The following TAAR5 variants were observed in gnomAD, a reference collection of about 807,000 sequenced individuals.
The protein encoded by TAAR5 is trace amine associated receptor 5, also known as trace amine-associated receptor 5.
Under a neutral mutation model 21.1 loss-of-function variants are expected in TAAR5, and 27 were observed. The ratio of observed to expected loss-of-function variants is 1.28; its 90% confidence interval spans 0.94 to 1.76. The LOEUF (loss-of-function observed/expected upper bound fraction) is 1.76, where lower values mean the gene tolerates loss of function less well. Ranked by LOEUF, TAAR5 falls within the 40% of genes most tolerant of loss-of-function variation. TAAR5 has a pLI of 0.00. For missense variants in TAAR5, 495 were observed against 405.6 expected (o/e 1.22, Z -1.89); for synonymous variants, 203 against 167.5 (o/e 1.21, Z -1.64).
chr6:132,608,084 A>G, the TAAR5 span: 1 of 328,514 alleles, frequency 3.0e-6, no homozygotes, highest in Non-Finnish European at 5.9e-6. Flanking sequence ...AGTCAAAGAT[A>G]GTGAATGTAC....
At position 132,589,487 on chromosome 6, in the gene TAAR5, G is replaced by A. The variant is rs147867541; in HGVS notation, c.200C>T (p.Thr67Met). Residue 67 changes from threonine to methionine, a missense_variant, in exon 1 of 1, where the codon ACG becomes ATG. Physicochemically the swap from Thr to Met is moderately conservative, Grantham distance 81. Transcript: ENST00000258034. ...FAVSYFKALH[T>M]PTNFLLLSLA... is the part of the protein sequence containing the mutation. ...GGAGAGCAGCAGGAAGTTGGTGGGC[G>A]TGTGAAGCGCTTTGAAGTAGGACAC... is the stretch of plus-strand genomic sequence containing the variant. 238 of 1,613,868 alleles carry A rather than the reference G, an allele frequency of 1.5e-4. No homozygotes were observed. In the African/African-American group the frequency reaches 2.0e-3, roughly 14 times the overall value.
chr6:132,598,411 A>G, the TAAR5 span, among the ~76,000 whole-genome samples: 36,827 of 152,110 alleles, frequency 0.24, 5,095 homozygotes, highest in Non-Finnish European at 0.33. Context: ...CTGTCCTAAT[A>G]TATTCTCCTT....
At chr6:132,592,837 C>T (rs1282691346), upstream of TAAR5, among the ~76,000 whole-genome samples, 1 of 152,162 alleles carries the variant, frequency 6.6e-6, no homozygotes, top group African/African-American at 2.4e-5. Flanking sequence ...ATAAGTTACA[C>T]TTGGCCTAGC....
chr6:132,601,517 C>T, the TAAR5 span, among the ~76,000 whole-genome samples: 86,539 of 152,074 alleles, frequency 0.57, 26,271 homozygotes, highest in African/African-American at 0.8. Flanking sequence ...AATACAATCA[C>T]TGACATGCAG....
the TAAR5 span, among the ~76,000 whole-genome samples, chr6:132,600,933 G>A: frequency 8.1e-6 from 1 of 123,534 alleles, no homozygotes; most frequent in Non-Finnish European, 1.6e-5. Context: ...AGGAGGGAAG[G>A]AGGGAAGGAG....
At chr6:132,607,987 C>A in the TAAR5 span, among the ~76,000 whole-genome samples, 1 of 152,152 alleles carries the variant, frequency 6.6e-6, no homozygotes, top group Non-Finnish European at 1.5e-5. Flanking sequence ...TTTTATATTT[C>A]TTTCGTACAT....
rs996615192 is a variant in TAAR5 at position 132,588,592 on chromosome 6, C to G, written c.*81G>C. ...TGTCCTGGAAGCATGCCCACAAACT[C>G]AACACCACACAGCCCACGGTCACAG... On this transcript the variant is annotated 3_prime_UTR_variant, in exon 1 of 1. Transcript: ENST00000258034. The G allele has an allele frequency of 3.5e-5, 52 of 1,484,318 alleles. No individual in the cohort carries two copies. Among genetic ancestry groups the G allele is most frequent in the Middle Eastern group, 2.0e-4 (1 of 5,012 alleles). The allele number at this position is 1,484,318 out of a possible 1,614,324, so 91.9% of individuals were successfully genotyped here. A position where few individuals can be genotyped will look rare whatever the true frequency, so the allele number is the denominator to read the frequency against.
chr6:132,596,078 G>A, the TAAR5 span, among the ~76,000 whole-genome samples: 2 of 152,106 alleles, frequency 1.3e-5, no homozygotes, highest in African/African-American at 4.8e-5. Flanking sequence ...AAAGTTATAG[G>A]TGAATAATCA....
the TAAR5 span, among the ~76,000 whole-genome samples, chr6:132,598,863 G>A: frequency 6.6e-6 from 1 of 152,128 alleles, no homozygotes; most frequent in Non-Finnish European, 1.5e-5. Context: ...GAGGAAGAGA[G>A]GAAGAGAAGA....
At chr6:132,601,040 A>AGAAG in the TAAR5 span, among the ~76,000 whole-genome samples, 2 of 27,554 alleles carry the variant, frequency 7.3e-5, no homozygotes, top group African/African-American at 2.3e-4. Context: ...AAGGAGGGAA[A>AGAAG]GAAGGAAGGA....
the TAAR5 span, among the ~76,000 whole-genome samples, chr6:132,601,464 A>G: frequency 6.6e-6 from 1 of 152,242 alleles, no homozygotes; most frequent in Non-Finnish European, 1.5e-5. Context: ...GGTGGGCAGC[A>G]AGAAATATGT....
the TAAR5 span, among the ~76,000 whole-genome samples, chr6:132,613,796 C>T: frequency 6.6e-6 from 1 of 152,128 alleles, no homozygotes; most frequent in Non-Finnish European, 1.5e-5. Flanking sequence ...TTGTAGTAGA[C>T]TACAATCTGG....
At chr6:132,601,087 AGGAGGGAG>A in the TAAR5 span, among the ~76,000 whole-genome samples, 4 of 49,818 alleles carry the variant, frequency 8.0e-5, no homozygotes, top group East Asian at 5.8e-4. Context: ...GAGGGAAGGA[AGGAGGGAG>A]GGAAGGAGGG....
At chr6:132,602,144 C>T in the TAAR5 span, among the ~76,000 whole-genome samples, 1 of 152,064 alleles carries the variant, frequency 6.6e-6, no homozygotes, top group Non-Finnish European at 1.5e-5. Flanking sequence ...CAGCCATCCC[C>T]AACCTTTTTG....
upstream of TAAR5, among the ~76,000 whole-genome samples, chr6:132,591,597 T>TTGTGTTTC (rs1776908522): frequency 6.6e-6 from 1 of 152,236 alleles, no homozygotes; most frequent in Non-Finnish European, 1.5e-5. Context: ...ATTGCATTAC[T>TTGTGTTTC]AGGTACCTTG....
In TAAR5 at chr6:132,588,602, C is replaced by G; in HGVS notation, c.*71G>C. On this transcript the variant is annotated 3_prime_UTR_variant, in exon 1 of 1. Coordinates refer to ENST00000258034, the MANE Select transcript of TAAR5 (RefSeq NM_003967.3). ...GCATGCCCACAAACTCAACACCACA[C>G]AGCCCACGGTCACAGTGCCACTTAT... 2.0e-6 allele frequency: 3 copies of G among 1,521,094 alleles called. No individual in the cohort carries two copies. The highest frequency in any genetic ancestry group is 1.9e-5 in the Admixed American group (1 of 52,884). 94.2% of individuals were successfully genotyped at this position (1,521,094 alleles called of 1,614,324 possible). A position where few individuals can be genotyped will look rare whatever the true frequency, so the allele number is the denominator to read the frequency against.
rs1394423478 is a variant in TAAR5 at position 132,589,253 on chromosome 6, T to A, written c.434A>T (p.Lys145Met). The change falls in exon 1 of 1, where the codon AAG becomes ATG. Residue 145 changes from lysine (K) to methionine (M), a missense_variant. Coordinates refer to ENST00000258034, the MANE Select transcript of TAAR5 (RefSeq NM_003967.3). ...AICDPLLYPSKFTVRVALRYI... is the reference protein window; with the variant it reads ...AICDPLLYPSMFTVRVALRYI... Reference sequence around the variant, plus strand: ...CCTGAGAGCCACCCTCACTGTGAACTTGGAGGGATAGAGCAGGGGGTCACA... The same window carrying A: ...CCTGAGAGCCACCCTCACTGTGAACATGGAGGGATAGAGCAGGGGGTCACA... 6.2e-7 allele frequency: 1 copy of A among 1,608,482 alleles called. No homozygotes were observed.
the TAAR5 span, among the ~76,000 whole-genome samples, chr6:132,614,684 T>C: frequency 6.6e-6 from 1 of 152,140 alleles, no homozygotes; most frequent in Non-Finnish European, 1.5e-5. Context: ...TTAAGGTATA[T>C]GATTCATATA....
At chr6:132,602,137 C>A in the TAAR5 span, among the ~76,000 whole-genome samples, 1 of 151,938 alleles carries the variant, frequency 6.6e-6, no homozygotes, top group African/African-American at 2.4e-5. Context: ...TCTAAAGCAG[C>A]CATCCCCAAC....
Sources: allele counts gnomAD v4.1 joint callset (sites outside exome capture counted in the v4.1 genomes callset), GRCh38; gene constraint gnomAD v4.1.1; transcripts MANE v1.5; gene names NCBI Gene and HGNC (gene_info 2026-07-23, HGNC 2026-07-21).